HYDIN: variants seen among roughly 807,000 people sequenced by gnomAD.
HYDIN encodes the protein axonemal central pair apparatus protein HYDIN.
Under a neutral mutation model 403.9 loss-of-function variants are expected in HYDIN, and 132 were observed. The observed-to-expected ratio is 0.33, with a 90% confidence interval of 0.28 to 0.38. The LOEUF (loss-of-function observed/expected upper bound fraction) is 0.38. Ranked by LOEUF, HYDIN falls within the 10% of genes least tolerant of loss-of-function variation. HYDIN has a pLI of 1.00. For synonymous variants in HYDIN, 1,202 were observed against 1,891.7 expected, an observed-to-expected ratio of 0.64 and a Z score of 9.46; for missense variants, 2,827 against 5,009.5, an observed-to-expected ratio of 0.56 and a Z score of 13.15.
intron 18 of HYDIN, among the ~76,000 whole-genome samples, chr16:71,056,476 A>G (rs2081898198): frequency 6.6e-6 from 1 of 151,966 alleles, no homozygotes; most frequent in Admixed American, 6.6e-5. Context: ...TTATCTTCCA[A>G]TATCACTATG....
At chr16:70,960,615 T>C (rs990656002) in intron 38 of HYDIN, among the ~76,000 whole-genome samples, 20 of 151,900 alleles carry the variant, frequency 1.3e-4, no homozygotes, top group Admixed American at 5.9e-4. Flanking sequence ...CACTCTGAAT[T>C]TTGCTCTGTA....
chr16:71,004,673 C>A (rs2079838521), intron 23 of HYDIN, among the ~76,000 whole-genome samples: 1 of 152,058 alleles, frequency 6.6e-6, no homozygotes, highest in Admixed American at 6.6e-5. Flanking sequence ...TGTGAAATGG[C>A]CTGAAATCTT....
In HYDIN at chr16:71,230,569, C is replaced by T; in HGVS notation, c.-31G>A. 4 of 1,534,810 alleles carry T rather than the reference C, an allele frequency of 2.6e-6. No homozygotes were observed. Among genetic ancestry groups the T allele is most frequent in the Non-Finnish European group, 3.5e-6 (4 of 1,146,082 alleles). ...TCTGCGAGGACCTCTGACCTTGGTGCACTCCGGGTCCCACGTTTATTCTAC... is the reference window on the plus strand; with the variant it reads ...TCTGCGAGGACCTCTGACCTTGGTGTACTCCGGGTCCCACGTTTATTCTAC... On this transcript the variant is annotated 5_prime_UTR_variant, in exon 1 of 86. Transcript: ENST00000393567.
At chr16:71,225,672 G>A (rs1167594259) in intron 1 of HYDIN, among the ~76,000 whole-genome samples, 1 of 152,144 alleles carries the variant, frequency 6.6e-6, no homozygotes, top group South Asian at 2.1e-4. Flanking sequence ...CTTAGAACTT[G>A]AGGTTCAGAA....
chr16:71,022,875 A>T (rs1458694163), intron 21 of HYDIN, among the ~76,000 whole-genome samples: 1 of 151,786 alleles, frequency 6.6e-6, no homozygotes, highest in Non-Finnish European at 1.5e-5. Context: ...CAAACAGTAG[A>T]CATTTAAATA....
In HYDIN at chr16:70,803,634, A is replaced by C. The variant is rs964329639; in HGVS notation, c.*3946T>G. On this transcript the variant is annotated 3_prime_UTR_variant, in exon 86 of 86. Transcript: ENST00000393567. Reference sequence around the variant, plus strand: ...AACTTGTAGCAAGAGGCTGCTGATGACATTGTAAGAAATTGTACCAAAATC... The same window carrying C: ...AACTTGTAGCAAGAGGCTGCTGATGCCATTGTAAGAAATTGTACCAAAATC... 6.6e-6 allele frequency among the ~76,000 whole-genome samples: 1 copy of C among 152,256 alleles called. No homozygotes were observed. The highest frequency in any genetic ancestry group is 2.4e-5 in the African/African-American group (1 of 41,468).
intron 12 of HYDIN, among the ~76,000 whole-genome samples, chr16:71,085,983 G>A (rs557591958): frequency 1.4e-3 from 219 of 152,004 alleles, no homozygotes; most frequent in African/African-American, 5.1e-3. Flanking sequence ...TTTAATTGAA[G>A]TATTTAATAC....
chr16:70,860,639 G>C (rs1262798170), intron 70 of HYDIN, 50 bp downstream of exon 70: 1 of 490,414 alleles, frequency 2.0e-6, no homozygotes. Context: ...TTCTTTTAGA[G>C]TTCTTTAGGA....
intron 58 of HYDIN, among the ~76,000 whole-genome samples, chr16:70,888,284 C>A (rs976902661): frequency 1.3e-5 from 2 of 152,214 alleles, no homozygotes. Context: ...CAACTGAAAC[C>A]TGGACATTTT....
chr16:71,107,424 C>T (rs2083657406), intron 10 of HYDIN, among the ~76,000 whole-genome samples: 1 of 150,880 alleles, frequency 6.6e-6, no homozygotes, highest in Non-Finnish European at 1.5e-5. Flanking sequence ...AACTATGCAT[C>T]TGACAAAGAT....
intron 29 of HYDIN, among the ~76,000 whole-genome samples, chr16:70,980,102 T>C (rs1049176084): frequency 1.3e-5 from 2 of 150,798 alleles, no homozygotes; most frequent in East Asian, 3.9e-4. Context: ...GTGCCCAGTT[T>C]CAACCGTATA....
intron 1 of HYDIN, among the ~76,000 whole-genome samples, chr16:71,220,575 A>C (rs1598061633): frequency 6.6e-6 from 1 of 152,346 alleles, no homozygotes; most frequent in East Asian, 1.9e-4. Flanking sequence ...GCATTTGCTA[A>C]ACCTGAATTT....
chr16:71,036,063 G>A (rs1243758918), intron 18 of HYDIN, among the ~76,000 whole-genome samples: 2 of 152,094 alleles, frequency 1.3e-5, no homozygotes, highest in Non-Finnish European at 2.9e-5. Flanking sequence ...CTCTGCCAAA[G>A]TTTCCTTGTT....
intron 10 of HYDIN, among the ~76,000 whole-genome samples, chr16:71,115,140 CGT>C (rs2083971713): frequency 6.6e-6 from 1 of 150,992 alleles, no homozygotes; most frequent in South Asian, 2.1e-4. Context: ...ATAATTCCCA[CGT>C]GTCAAGGGAA....
chr16:71,154,817 T>C (rs569768328), intron 6 of HYDIN, among the ~76,000 whole-genome samples: 81 of 132,434 alleles, frequency 6.1e-4, no homozygotes, highest in South Asian at 1.9e-3. Context: ...AACCCAGCTC[T>C]GCCACAACCT....
In HYDIN at chr16:71,020,197, A is replaced by G. The variant is rs766766284; in HGVS notation, c.3307T>C (p.Ser1103Pro). The part of the protein sequence containing the change: ...GPFFICETDK[S>P]LLPATPEPIK... ...ACCTCAGGAGTTGCCGGCAGCAGGG[A>G]TTTATCAGTCTCACATATAAAGAAG... Residue 1103 changes from serine to proline, a missense_variant, in exon 22 of 86, where the codon TCC becomes CCC. Transcript: ENST00000393567. The G allele has an allele frequency of 3.7e-6, 6 of 1,613,734 alleles. No homozygotes were observed. Among genetic ancestry groups the G allele is most frequent in the East Asian group, 4.5e-5 (2 of 44,846 alleles).
intron 12 of HYDIN, among the ~76,000 whole-genome samples, chr16:71,085,889 T>C (rs1392101530): frequency 6.6e-6 from 1 of 152,140 alleles, no homozygotes; most frequent in African/African-American, 2.4e-5. Flanking sequence ...AGATACAAGA[T>C]AGATATCTTG....
chr16:70,893,940 C>G (rs1219520250), intron 55 of HYDIN: 1 of 153,194 alleles, frequency 6.5e-6, no homozygotes. Flanking sequence ...AAAGGAAAGC[C>G]CTTTCTTCAC....
chr16:70,857,992 T>C (rs1166562069), intron 71 of HYDIN, 122 bp from the exon 72 acceptor site: 1 of 1,221,028 alleles, frequency 8.2e-7, no homozygotes, highest in African/African-American at 1.5e-5. Flanking sequence ...TTGCTACCTT[T>C]CTATAGTCCA....
Sources: allele counts gnomAD v4.1 joint callset (sites outside exome capture counted in the v4.1 genomes callset), GRCh38; gene constraint gnomAD v4.1.1; transcripts MANE v1.5; gene names NCBI Gene and HGNC (gene_info 2026-07-23, HGNC 2026-07-21).